DOK5: variants seen among roughly 807,000 people sequenced by gnomAD.
DOK5 encodes downstream of tyrosine kinase 5.
Under a neutral mutation model 43.3 loss-of-function variants are expected in DOK5, and 27 were observed. That is an observed-to-expected ratio of 0.62 (90% confidence interval 0.46 to 0.86). The LOEUF (loss-of-function observed/expected upper bound fraction) is 0.86. DOK5 is among the 40% of genes least tolerant of loss of function. DOK5 has a pLI of 0.00. For missense variants in DOK5, 373 were observed against 392.9 expected (o/e 0.95, Z 0.43); for synonymous variants, 146 against 140.1 (o/e 1.04, Z -0.30).
intron 6 of DOK5, among the ~76,000 whole-genome samples, chr20:54,641,539 T>TC (rs1979114264): frequency 7.8e-6 from 1 of 128,750 alleles, no homozygotes; most frequent in Non-Finnish European, 1.8e-5. Context: ...AATTTCTAAT[T>TC]ATCATCATCA....
chr20:54,558,172 G>A (rs561376020), intron 2 of DOK5, among the ~76,000 whole-genome samples: 1 of 152,258 alleles, frequency 6.6e-6, no homozygotes, highest in African/African-American at 2.4e-5. Flanking sequence ...GGGCAGTGAT[G>A]GAAGCAGAAA....
At chr20:54,588,622 G>T (rs201603374) in intron 3 of DOK5, 25 bp downstream of exon 3, 7 of 1,614,000 alleles carry the variant, frequency 4.3e-6, no homozygotes, top group Admixed American at 1.7e-5. Context: ...GGGCTGGGGG[G>T]CTTTTGCTTT....
At chr20:54,531,342 CT>C (rs1318417905) in intron 1 of DOK5, among the ~76,000 whole-genome samples, 1 of 152,120 alleles carries the variant, frequency 6.6e-6, no homozygotes, top group Non-Finnish European at 1.5e-5. Flanking sequence ...CGTCAAGAAC[CT>C]AGTTTATAGC....
At chr20:54,622,987 G>A (rs905544535) in intron 6 of DOK5, among the ~76,000 whole-genome samples, 3 of 152,146 alleles carry the variant, frequency 2.0e-5, no homozygotes, top group African/African-American at 7.2e-5. Context: ...TCTAAGCACA[G>A]AGCCCCGTAT....
chr20:54,633,099 CA>C (rs11330746), intron 6 of DOK5, among the ~76,000 whole-genome samples: 60,700 of 151,352 alleles, frequency 0.4, 16,838 homozygotes, highest in African/African-American at 0.79. Context: ...AAACAAAAAA[CA>C]AAAAAAACAA....
At chr20:54,479,858 C>G (rs1458579090) in intron 1 of DOK5, among the ~76,000 whole-genome samples, 1 of 152,036 alleles carries the variant, frequency 6.6e-6, no homozygotes, top group Non-Finnish European at 1.5e-5. Context: ...AAATCACAAG[C>G]GAACCTTGGT....
intron 2 of DOK5, among the ~76,000 whole-genome samples, chr20:54,563,736 C>T (rs945955090): frequency 2.7e-5 from 4 of 147,020 alleles, no homozygotes; most frequent in Admixed American, 6.9e-5. Context: ...AATGTGGGCT[C>T]GCTCTTGTCA....
At chr20:54,526,336 C>T (rs1036883977) in intron 1 of DOK5, among the ~76,000 whole-genome samples, 18 of 152,172 alleles carry the variant, frequency 1.2e-4, no homozygotes, top group East Asian at 1.9e-4. Context: ...GCTGGGACGA[C>T]GACGGCATGG....
chr20:54,506,571 C>T (rs1982812824), intron 1 of DOK5, among the ~76,000 whole-genome samples: 1 of 152,168 alleles, frequency 6.6e-6, no homozygotes, highest in Non-Finnish European at 1.5e-5. Context: ...AGCGATCTCC[C>T]ACGTCAGCCT....
At chr20:54,558,776 C>T (rs1233110993) in intron 2 of DOK5, among the ~76,000 whole-genome samples, 2 of 152,038 alleles carry the variant, frequency 1.3e-5, no homozygotes, top group African/African-American at 4.8e-5. Context: ...GAGCACAGTA[C>T]TTCTCCCATT....
chr20:54,485,949 T>C (rs867629003), intron 1 of DOK5, among the ~76,000 whole-genome samples: 2 of 152,360 alleles, frequency 1.3e-5, no homozygotes, highest in Middle Eastern at 6.8e-3. Context: ...GCCGTCCATG[T>C]CAGTAAAATG....
At chr20:54,570,255 A>G (rs1446006239) in intron 2 of DOK5, among the ~76,000 whole-genome samples, 1 of 152,214 alleles carries the variant, frequency 6.6e-6, no homozygotes, top group African/African-American at 2.4e-5. Context: ...TTATAATTTA[A>G]TTGGGTTATT....
At chr20:54,566,245 A>G (rs942650629) in intron 2 of DOK5, among the ~76,000 whole-genome samples, 4 of 152,116 alleles carry the variant, frequency 2.6e-5, no homozygotes, top group Admixed American at 6.5e-5. Context: ...GTGCATAGCA[A>G]TAGTCCATTC....
At chr20:54,646,733 C>T (rs914553771) in intron 7 of DOK5, among the ~76,000 whole-genome samples, 12 of 152,022 alleles carry the variant, frequency 7.9e-5, no homozygotes, top group African/African-American at 2.7e-4. Flanking sequence ...CTTTTCATAC[C>T]CCTTAGAAAA....
At chr20:54,512,549 GC>G (rs1028515500) in intron 1 of DOK5, among the ~76,000 whole-genome samples, 31 of 152,118 alleles carry the variant, frequency 2.0e-4, no homozygotes, top group Non-Finnish European at 3.7e-4. Context: ...CTAATTATAG[GC>G]CCACTAATTA....
At chr20:54,485,284 C>T (rs978634670) in intron 1 of DOK5, among the ~76,000 whole-genome samples, 1 of 146,900 alleles carries the variant, frequency 6.8e-6, no homozygotes, top group African/African-American at 2.5e-5. Flanking sequence ...CAGTGAGCGG[C>T]GGAGGTTGCA....
chr20:54,519,608 T>A (rs1002879502), intron 1 of DOK5, among the ~76,000 whole-genome samples: 6 of 152,200 alleles, frequency 3.9e-5, no homozygotes, highest in African/African-American at 1.4e-4. Flanking sequence ...AAGGCTTATA[T>A]TCATTTTTTT....
At chr20:54,614,543 G>T (rs544884201) in intron 6 of DOK5, among the ~76,000 whole-genome samples, 1 of 152,270 alleles carries the variant, frequency 6.6e-6, no homozygotes, top group Admixed American at 6.5e-5. Context: ...TTGAAAGGCG[G>T]GTTCTGCATG....
intron 1 of DOK5, among the ~76,000 whole-genome samples, chr20:54,497,649 AATTCTGGCACAAATGTGTCCACATAT>A (rs1982451471): frequency 6.6e-6 from 1 of 152,202 alleles, no homozygotes; most frequent in Non-Finnish European, 1.5e-5. Context: ...GAAAAAAAGG[AATTCTGGCACAAATGTGTCCACATAT>A]ATATTTCTGC....
Sources: allele counts gnomAD v4.1 joint callset (sites outside exome capture counted in the v4.1 genomes callset), GRCh38; gene constraint gnomAD v4.1.1; transcripts MANE v1.5; gene names NCBI Gene and HGNC (gene_info 2026-07-23, HGNC 2026-07-21).